The following NEGR1 variants were observed in gnomAD, a reference collection of about 807,000 sequenced individuals.
NEGR1 encodes IgLON family member 4.
NEGR1 carries 10 observed loss-of-function variants against 40.9 expected under a neutral mutation model. The ratio of observed to expected loss-of-function variants is 0.24; its 90% CI spans 0.15 to 0.42. The LOEUF (loss-of-function observed/expected upper bound fraction) is 0.42. Among genes scored for constraint, NEGR1 ranks in the 10% least tolerant of loss-of-function variants. The pLI is 1.00. For missense variants in NEGR1, 352 were observed against 438.9 expected (o/e 0.80, Z 1.77); for synonymous variants, 185 against 166.8 (o/e 1.11, Z -0.84).
chr1:72,097,167 C>T (rs1376289743), intron 1 of NEGR1, among the ~76,000 whole-genome samples: 2 of 152,086 alleles, frequency 1.3e-5, no homozygotes, highest in African/African-American at 2.4e-5. Context: ...GTAAAGGCTC[C>T]AGAGGCTGGG....
intron 1 of NEGR1, among the ~76,000 whole-genome samples, chr1:72,036,349 C>G (rs2100447902): frequency 6.6e-6 from 1 of 152,064 alleles, no homozygotes; most frequent in South Asian, 2.1e-4. Flanking sequence ...GTGCACACTA[C>G]AAAGGTACAA....
intron 3 of NEGR1, among the ~76,000 whole-genome samples, chr1:71,769,702 T>G (rs1393853098): frequency 6.6e-6 from 1 of 152,218 alleles, no homozygotes; most frequent in Non-Finnish European, 1.5e-5. Flanking sequence ...TGTGGAACCA[T>G]GAGTCCATTA....
chr1:71,999,311 A>G (rs569102208), intron 1 of NEGR1, among the ~76,000 whole-genome samples: 1 of 151,908 alleles, frequency 6.6e-6, no homozygotes, highest in South Asian at 2.1e-4. Flanking sequence ...CAACCCTTTC[A>G]TGTTTAATAA....
At chr1:71,791,972 C>T (rs933666051) in intron 2 of NEGR1, among the ~76,000 whole-genome samples, 1 of 151,918 alleles carries the variant, frequency 6.6e-6, no homozygotes, top group African/African-American at 2.4e-5. Context: ...ACATATTTGC[C>T]GATCAGGCAG....
chr1:72,248,267 T>C (rs1654966070), intron 1 of NEGR1, among the ~76,000 whole-genome samples: 1 of 152,168 alleles, frequency 6.6e-6, no homozygotes, highest in Non-Finnish European at 1.5e-5. Context: ...TGTATTTCAT[T>C]TATTTTTTGA....
In NEGR1 at chr1:71,964,181, A is replaced by G. The variant is rs562656228; in HGVS notation, c.177-28870T>C. 7.9e-5 allele frequency among the ~76,000 whole-genome samples: 12 copies of G among 152,290 alleles called. No individual in the cohort carries two copies. In the South Asian group the frequency reaches 1.9e-3, roughly 24 times the overall value. ...AGACTGTATTTTACAAAATGACCAC[A>G]TCGCCCATGCCACAGATGCTTCTGC... On this transcript the variant is annotated intron_variant, in intron 1 of 6. Coordinates refer to ENST00000357731, the MANE Select transcript of NEGR1 (RefSeq NM_173808.3).
intron 2 of NEGR1, among the ~76,000 whole-genome samples, chr1:71,871,358 G>C (rs1316140775): frequency 1.3e-5 from 2 of 152,090 alleles, no homozygotes; most frequent in Admixed American, 6.6e-5. Context: ...AGCATTTCTA[G>C]TAGACTTTTT....
At chr1:71,640,461 T>G (rs1011621403) in intron 4 of NEGR1, among the ~76,000 whole-genome samples, 2 of 152,060 alleles carry the variant, frequency 1.3e-5, no homozygotes, top group Non-Finnish European at 2.9e-5. Context: ...ACAACATGAA[T>G]GCAATATCCT....
At chr1:72,190,472 T>C (rs1317859954) in intron 1 of NEGR1, among the ~76,000 whole-genome samples, 1 of 151,648 alleles carries the variant, frequency 6.6e-6, no homozygotes, top group Non-Finnish European at 1.5e-5. Context: ...CAAACATGGC[T>C]TTAGGTATCT....
intron 1 of NEGR1, among the ~76,000 whole-genome samples, chr1:72,166,320 T>C (rs1364589729): frequency 2.6e-5 from 4 of 152,060 alleles, no homozygotes. Flanking sequence ...AGAACCCTTG[T>C]ACACTGTTGG....
At chr1:71,688,959 G>T (rs1298813771) in intron 4 of NEGR1, among the ~76,000 whole-genome samples, 1 of 152,072 alleles carries the variant, frequency 6.6e-6, no homozygotes, top group Non-Finnish European at 1.5e-5. Flanking sequence ...GTATCCCATA[G>T]TTTATAAGTG....
At chr1:71,770,702 G>T (rs934828726) in intron 3 of NEGR1, among the ~76,000 whole-genome samples, 4 of 152,004 alleles carry the variant, frequency 2.6e-5, no homozygotes, top group Admixed American at 2.6e-4. Flanking sequence ...ATTTGACCAA[G>T]AAAAACATTA....
At chr1:71,455,367 A>G (rs533570432) in intron 6 of NEGR1, among the ~76,000 whole-genome samples, 2 of 152,228 alleles carry the variant, frequency 1.3e-5, no homozygotes, top group Non-Finnish European at 2.9e-5. Flanking sequence ...ATGAAAGTCT[A>G]ATATCATTAA....
rs1322612013 is a variant in NEGR1, at chr1:71,407,156, A to AAAGTTGTAG, written c.*281_*289dup. 4.6e-6 allele frequency: 1 copy of AAAGTTGTAG among 215,076 alleles called. No homozygotes were observed. Among genetic ancestry groups the AAAGTTGTAG allele is most frequent in the Non-Finnish European group, 9.2e-6 (1 of 108,236 alleles). The allele number at this position is 215,076 out of a possible 1,614,324, so 13.3% of individuals were successfully genotyped here. A position where few individuals can be genotyped will look rare whatever the true frequency, so the allele number is the denominator to read the frequency against. On this transcript the variant is annotated 3_prime_UTR_variant, in exon 7 of 7. Coordinates refer to ENST00000357731, the MANE Select transcript of NEGR1 (RefSeq NM_173808.3). ...GCAGACCATGACTGAATGCTTTTGA[A>AAAGTTGTAG]AAGTTGTAGATTACAAACATGAAAT...
chr1:71,454,192 C>T (rs923159833), intron 6 of NEGR1, among the ~76,000 whole-genome samples: 1 of 152,170 alleles, frequency 6.6e-6, no homozygotes, highest in Non-Finnish European at 1.5e-5. Flanking sequence ...ATTTAAATTA[C>T]TCTTAGTTTT....
At chr1:72,249,723 G>GT (rs1159317918) in intron 1 of NEGR1, among the ~76,000 whole-genome samples, 10 of 152,248 alleles carry the variant, frequency 6.6e-5, no homozygotes, top group Non-Finnish European at 1.3e-4. Flanking sequence ...ACTGGATTGA[G>GT]TTTTTGAAAG....
At chr1:72,072,958 G>A (rs1647534578) in intron 1 of NEGR1, among the ~76,000 whole-genome samples, 1 of 152,004 alleles carries the variant, frequency 6.6e-6, no homozygotes, top group South Asian at 2.1e-4. Context: ...ATAAATTTTG[G>A]TTTAGCTGCT....
chr1:72,007,976 C>T (rs2100395114), intron 1 of NEGR1, among the ~76,000 whole-genome samples: 1 of 152,054 alleles, frequency 6.6e-6, no homozygotes, highest in Non-Finnish European at 1.5e-5. Context: ...TATTAGAAGA[C>T]ATATAATAAA....
chr1:71,935,391 C>G lies in NEGR1; in HGVS notation c.177-80G>C. 4.0e-6 allele frequency: 4 copies of G among 990,188 alleles called. No homozygotes were observed. In the South Asian group the frequency reaches 4.2e-5, roughly 10 times the overall value. 61.3% of individuals were successfully genotyped at this position (990,188 alleles called of 1,614,324 possible). On this transcript the variant is annotated intron_variant, in intron 1 of 6. Coordinates refer to ENST00000357731, the MANE Select transcript of NEGR1 (RefSeq NM_173808.3). ...ATTATTTTGTTCTGAGTGTTTTTTT[C>G]TTTTGCTGAATAATAGCACAGCATC...
Sources: gnomAD v4.1 joint callset for allele counts (sites outside exome capture counted in the v4.1 genomes callset) on GRCh38, gnomAD v4.1.1 for gene constraint, MANE v1.5 for transcripts, NCBI Gene and HGNC (gene_info 2026-07-23, HGNC 2026-07-21) for gene names.